The following USP35 variants were observed in gnomAD, a reference collection of about 807,000 sequenced individuals.
USP35 encodes ubiquitin specific peptidase 35.
In USP35, 69 loss-of-function variants were observed where a neutral mutation model predicts 83.8. The ratio of observed to expected loss-of-function variants is 0.82; its 90% CI spans 0.68 to 1.01. The LOEUF is 1.01. USP35 is among the 50% of genes least tolerant of loss of function. USP35 has a pLI of 0.00. For missense variants in USP35, 1,503 were observed against 1,362.5 expected (o/e 1.10, Z -1.62); for synonymous variants, 714 against 589.5 (o/e 1.21, Z -3.06).
At chr11:78,237,042 G>T in the USP35 span, among the ~76,000 whole-genome samples, 1 of 152,094 alleles carries the variant, frequency 6.6e-6, no homozygotes, top group East Asian at 1.9e-4. Flanking sequence ...TGATAGTAGG[G>T]TTATGCTGGT....
At chr11:78,235,167 T>G in the USP35 span, among the ~76,000 whole-genome samples, 1 of 152,178 alleles carries the variant, frequency 6.6e-6, no homozygotes, top group Admixed American at 6.5e-5. Flanking sequence ...TTTCTTTTCT[T>G]TTTGAGACAG....
the USP35 span, chr11:78,225,270 C>T: frequency 3.8e-6 from 4 of 1,041,630 alleles, no homozygotes; most frequent in East Asian, 9.5e-5. Context: ...CCCATACCCT[C>T]ACCAGTGTGG....
intron 10 of USP35, among the ~76,000 whole-genome samples, chr11:78,212,210 T>C (rs562577983): frequency 6.6e-6 from 1 of 152,202 alleles, no homozygotes; most frequent in Non-Finnish European, 1.5e-5. Flanking sequence ...TTTTACCCAT[T>C]GCTTGTTTTT....
chr11:78,196,675 G>GTGGCACGGCTGC lies in USP35; in HGVS notation c.435_446dup (p.Leu147_Arg150dup). The stretch of plus-strand genomic sequence containing the variant: ...CCCGGGCCCCGCGGCCTGCGCGCAG[G>GTGGCACGGCTGC]TGGCACGGCTGCTGGCTCGCCACCC... On this transcript the variant is annotated inframe_insertion, in exon 2 of 11. Coordinates refer to ENST00000529308, the MANE Select transcript of USP35 (RefSeq NM_020798.4). This position sits in a 1 kb window ranked among gnomAD's most constrained non-coding sequence, Gnocchi z 4.8. The GTGGCACGGCTGC allele has an allele frequency of 6.8e-7, 1 of 1,473,072 alleles. No individual in the cohort carries two copies. The highest frequency in any genetic ancestry group is 8.9e-7 in the Non-Finnish European group (1 of 1,118,990). 91.3% of individuals were successfully genotyped at this position (1,473,072 alleles called of 1,614,324 possible).
the USP35 span, chr11:78,225,000 A>C: frequency 1.4e-6 from 1 of 707,706 alleles, no homozygotes; most frequent in Non-Finnish European, 2.5e-6. Flanking sequence ...GCAGGGTCCT[A>C]AGATGGAGAC....
At chr11:78,221,079 C>T in the USP35 span, among the ~76,000 whole-genome samples, 3 of 152,176 alleles carry the variant, frequency 2.0e-5, no homozygotes, top group Non-Finnish European at 2.9e-5. Flanking sequence ...CATCCAGGCT[C>T]GTGCTCTAGC....
At chr11:78,197,447 G>A (rs1375717079) in intron 2 of USP35, among the ~76,000 whole-genome samples, 1 of 152,144 alleles carries the variant, frequency 6.6e-6, no homozygotes, top group African/African-American at 2.4e-5. Flanking sequence ...GTGGAACTTA[G>A]ACTACAGTGC....
At chr11:78,193,182 T>TA (rs1201442653) in intron 1 of USP35, among the ~76,000 whole-genome samples, 2 of 152,096 alleles carry the variant, frequency 1.3e-5, no homozygotes, top group East Asian at 1.9e-4. Context: ...AAGGGAGAGT[T>TA]AAAAAAATTT....
At chr11:78,213,465 GGTCTTTTGAA>G (rs72462411) in intron 10 of USP35, among the ~76,000 whole-genome samples, 171 bp from the exon 11 acceptor site, 10,061 of 152,104 alleles carry the variant, frequency 0.066, 1,082 homozygotes, top group African/African-American at 0.23. Flanking sequence ...GAGAGGAGGG[GGTCTTTTGAA>G]GTCTTTTGAA....
At chr11:78,219,725 A>G (rs530452010), downstream of USP35, among the ~76,000 whole-genome samples, 16 of 152,172 alleles carry the variant, frequency 1.1e-4, no homozygotes, top group East Asian at 3.1e-3. Flanking sequence ...CTCTGCCTCC[A>G]CCCATCTCTG....
At chr11:78,192,510 C>T (rs1863035307) in intron 1 of USP35, among the ~76,000 whole-genome samples, 1 of 152,220 alleles carries the variant, frequency 6.6e-6, no homozygotes, top group Non-Finnish European at 1.5e-5. Context: ...TGTCTGAGTG[C>T]ATGCAAGATA....
chr11:78,196,493 G>A lies in USP35; in HGVS notation c.248G>A (p.Arg83His). 1 of 1,232,944 alleles carries A rather than the reference G, an allele frequency of 8.1e-7. No homozygotes were observed. Among genetic ancestry groups the A allele is most frequent in the Admixed American group, 4.5e-5 (1 of 22,208 alleles). 76.4% of individuals were successfully genotyped at this position (1,232,944 alleles called of 1,614,324 possible). ...GTCTTCGCCGAGTTCTTCAGCGCGC[G>A]TCGCGTGCTGCGCCTGCTGCAGGGT... ...PDVFAEFFSA[R>H]RVLRLLQGGA... is the part of the protein sequence containing the mutation. The change falls in exon 2 of 11, where the codon CGT (arginine) becomes CAT (histidine). Residue 83 changes from arginine (R) to histidine (H), a missense_variant. Arg to His is a conservative substitution (Grantham distance 29). Transcript: ENST00000529308. The surrounding 1 kb of genome is among the most constrained non-coding windows in gnomAD (Gnocchi z 4.8).
the USP35 span, chr11:78,224,956 C>T: frequency 1.7e-6 from 1 of 599,600 alleles, no homozygotes. Context: ...TCCAAAGACT[C>T]AACGCAGGGT....
chr11:78,199,534 G>C, intron 3 of USP35, 61 bp from the exon 4 acceptor site: 3 of 1,609,844 alleles, frequency 1.9e-6, no homozygotes, highest in Non-Finnish European at 2.5e-6. Flanking sequence ...CCCCTGGGCT[G>C]CCCTCACCCC....
chr11:78,219,105 AC>A (rs1864289039), downstream of USP35: 2 of 641,694 alleles, frequency 3.1e-6, no homozygotes. Flanking sequence ...TCAGGCCCTC[AC>A]CTCCCAGGGG....
the USP35 span, among the ~76,000 whole-genome samples, chr11:78,223,122 A>G: frequency 6.6e-6 from 1 of 152,168 alleles, no homozygotes; most frequent in African/African-American, 2.4e-5. Flanking sequence ...CAGGAGAGTG[A>G]GATTGTAGCA....
At position 78,214,390 on chromosome 11, in the gene USP35, C is replaced by CG. The variant is rs1565408161; in HGVS notation, c.*583dup. ...CACTGCATGGTTTTGGGGGGGGGGG[C>CG]GGGGGGCTAGCTTCTCACAGCAGGA... On this transcript the variant is annotated 3_prime_UTR_variant, in exon 11 of 11. Transcript: ENST00000529308. 1.8e-4 allele frequency: 7 copies of CG among 38,758 alleles called. 1 individual carries two copies. The highest frequency in any genetic ancestry group is 4.2e-4 in the African/African-American group (6 of 14,328). The allele number at this position is 38,758 out of a possible 1,614,324, so 2.4% of individuals were successfully genotyped here.
chr11:78,211,742 G>T (rs1035436783), intron 10 of USP35, among the ~76,000 whole-genome samples: 2 of 152,152 alleles, frequency 1.3e-5, no homozygotes, highest in African/African-American at 4.8e-5. Flanking sequence ...CCACATGAAT[G>T]AATGTCTTTT....
In USP35 at chr11:78,213,787, G is replaced by A. The variant is rs1863919765; in HGVS notation, c.3031G>A (p.Gly1011Ser). The A allele has an allele frequency of 4.9e-5, 76 of 1,550,984 alleles. No individual in the cohort carries two copies. The highest frequency in any genetic ancestry group is 6.5e-5 in the Non-Finnish European group (75 of 1,156,828). ...CTGCAATCCTGCAGGTGGCAATGGTGGTGACTTCCACAGACTGGTCTTCTA... is the reference window on the plus strand; with the variant it reads ...CTGCAATCCTGCAGGTGGCAATGGTAGTGACTTCCACAGACTGGTCTTCTA... ...GGCNPAGGNG[G>S]DFHRLVF is the part of the protein sequence containing the mutation. Residue 1011 changes from glycine (G) to serine (S), a missense_variant, in exon 11 of 11, where the codon GGT becomes AGT. Gly to Ser is a moderately conservative substitution (Grantham distance 56). Transcript: ENST00000529308.
Sources: gnomAD v4.1 joint callset for allele counts (sites outside exome capture counted in the v4.1 genomes callset) on GRCh38, gnomAD v4.1.1 for gene constraint, Gnocchi (gnomAD v3.1) non-coding constraint, MANE v1.5 for transcripts, NCBI Gene and HGNC (gene_info 2026-07-23, HGNC 2026-07-21) for gene names.